The following ACTR3B variants were observed in gnomAD, a reference collection of about 807,000 sequenced individuals.
ACTR3B encodes the protein actin-related protein 3B.
Under a neutral mutation model 59.0 loss-of-function variants are expected in ACTR3B, and 8 were observed. The ratio of observed to expected loss-of-function variants is 0.14; its 90% CI spans 0.08 to 0.24. The LOEUF (loss-of-function observed/expected upper bound fraction) is 0.24. Ranked by LOEUF, ACTR3B falls within the 10% of genes least tolerant of loss-of-function variation. ACTR3B has a pLI of 1.00. For missense variants in ACTR3B, 245 were observed against 552.3 expected (o/e 0.44, Z 5.58); for synonymous variants, 148 against 197.9 (o/e 0.75, Z 2.12).
At chr7:152,762,424 C>T (rs2098092422) in intron 1 of ACTR3B, among the ~76,000 whole-genome samples, 1 of 152,212 alleles carries the variant, frequency 6.6e-6, no homozygotes, top group Non-Finnish European at 1.5e-5. Context: ...GTATACTCTT[C>T]TTCCAGTTTT....
intron 2 of ACTR3B, among the ~76,000 whole-genome samples, chr7:152,788,824 C>T (rs1329008686): frequency 2.6e-5 from 4 of 152,082 alleles, no homozygotes; most frequent in African/African-American, 9.7e-5. Flanking sequence ...GAGTTAGAGA[C>T]CAGCCCAGCC....
intron 7 of ACTR3B, among the ~76,000 whole-genome samples, chr7:152,822,924 A>C (rs1443032808): frequency 1.3e-5 from 2 of 152,208 alleles, no homozygotes. Context: ...GGGTGTAGAC[A>C]GTGCCGCACT....
At position 152,825,092 on chromosome 7, in the gene ACTR3B, C is replaced by T. The variant is rs906399982; in HGVS notation, c.921C>T (p.Cys307=). The T allele has an allele frequency of 8.7e-6, 14 of 1,613,680 alleles. No homozygotes were observed. The highest frequency in any genetic ancestry group is 1.1e-5 in the Non-Finnish European group (13 of 1,179,786). The part of the protein sequence containing the change: ...SDVVDEVIQN[C]PIDVRRPLYK... ...TTGTTGATGAAGTAATACAGAACTGCCCCATCGATGTGCGGCGCCCGCTGT... is the reference window on the plus strand; with the variant it reads ...TTGTTGATGAAGTAATACAGAACTGTCCCATCGATGTGCGGCGCCCGCTGT... The change falls in exon 9 of 12, where the codon TGC becomes TGT. Residue 307 remains cysteine (C), a synonymous_variant. Coordinates refer to ENST00000256001, the MANE Select transcript of ACTR3B (RefSeq NM_020445.6).
chr7:152,852,149 C>T lies in ACTR3B; in HGVS notation c.975C>T (p.Ser325=), dbSNP rs769937667. The T allele has an allele frequency of 1.1e-4, 181 of 1,613,974 alleles. No homozygotes were observed. Among genetic ancestry groups the T allele is most frequent in the Non-Finnish European group, 1.5e-4 (174 of 1,180,010 alleles). Residue 325 remains serine (S), a synonymous_variant, in exon 10 of 12, where the codon TCC becomes TCT. Coordinates refer to ENST00000256001, the MANE Select transcript of ACTR3B (RefSeq NM_020445.6). ...AGAATGTCGTACTCTCAGGAGGCTC[C>T]ACCATGTTCAGGGATTTCGGACGCC... The part of the protein sequence containing the change: ...LYKNVVLSGG[S]TMFRDFGRRL...
At chr7:152,809,454 C>T (rs369028630) in intron 4 of ACTR3B, among the ~76,000 whole-genome samples, 3 of 152,160 alleles carry the variant, frequency 2.0e-5, no homozygotes, top group Admixed American at 6.5e-5. Context: ...CGCCCTTACC[C>T]GTTCTTAGCC....
At chr7:152,814,802 C>G (rs34547316) in intron 5 of ACTR3B, among the ~76,000 whole-genome samples, 157 bp downstream of exon 5, 3 of 152,122 alleles carry the variant, frequency 2.0e-5, no homozygotes, top group Non-Finnish European at 4.4e-5. Flanking sequence ...CTATAGGGAA[C>G]GTGTCCCATG....
chr7:152,820,391 G>A lies in ACTR3B; in HGVS notation c.633G>A (p.Arg211=). ...TCATTCAACAGCTGCTAAGGGAGAG[G>A]GAGGTGGGAATCCCTCCTGAGCAGT... ...TYFIQQLLRE[R]EVGIPPEQSL... Residue 211 remains arginine, a synonymous_variant, in exon 7 of 12, where the codon AGG becomes AGA. Coordinates refer to ENST00000256001, the MANE Select transcript of ACTR3B (RefSeq NM_020445.6). 3 of 1,606,504 alleles carry A rather than the reference G, an allele frequency of 1.9e-6. No individual in the cohort carries two copies. Among genetic ancestry groups the A allele is most frequent in the South Asian group, 2.2e-5 (2 of 90,314 alleles).
At chr7:152,809,401 T>G (rs1342824951) in intron 4 of ACTR3B, among the ~76,000 whole-genome samples, 1 of 152,138 alleles carries the variant, frequency 6.6e-6, no homozygotes, top group Non-Finnish European at 1.5e-5. Context: ...GGAAGATTTC[T>G]AGGGAGCGTG....
chr7:152,824,562 A>G lies in ACTR3B; in HGVS notation c.859-468A>G, dbSNP rs1220557236. ...GTTTCATGTTAAACAAACCCTTCTC[A>G]TTAAACAAAACACTTCCCTGCATCT... On this transcript the variant is annotated intron_variant, in intron 8 of 11. Transcript: ENST00000256001. The surrounding 1 kb of genome is among the most constrained non-coding windows in gnomAD (Gnocchi z 4.2). Among the ~76,000 whole-genome samples the G allele has an allele frequency of 1.3e-5, 2 of 152,230 alleles. No individual in the cohort carries two copies. The highest frequency in any genetic ancestry group is 1.9e-4 in the East Asian group (1 of 5,202).
chr7:152,783,399 A>G (rs957714145), intron 2 of ACTR3B, among the ~76,000 whole-genome samples, 157 bp downstream of exon 2: 4 of 152,230 alleles, frequency 2.6e-5, no homozygotes, highest in African/African-American at 4.8e-5. Context: ...CTTCTGTTCC[A>G]TTCTGATAAA....
intron 1 of ACTR3B, among the ~76,000 whole-genome samples, chr7:152,773,926 C>G (rs1402876104): frequency 4.6e-4 from 70 of 152,148 alleles, no homozygotes; most frequent in Admixed American, 4.6e-3. Context: ...CCTCCTATTC[C>G]AGTCCCACAG....
chr7:152,777,179 A>G (rs1460567980), intron 1 of ACTR3B, among the ~76,000 whole-genome samples: 4 of 152,142 alleles, frequency 2.6e-5, no homozygotes, highest in African/African-American at 9.7e-5. Flanking sequence ...TCACCTGTGT[A>G]TAATTTACCA....
At chr7:152,761,202 C>A (rs1046426476) in intron 1 of ACTR3B, among the ~76,000 whole-genome samples, 1 of 152,128 alleles carries the variant, frequency 6.6e-6, no homozygotes, top group Admixed American at 6.5e-5. Context: ...GCTTTTCTAC[C>A]TAAAACACAA....
At chr7:152,803,345 G>C (rs1034047367) in intron 4 of ACTR3B, among the ~76,000 whole-genome samples, 9 of 152,182 alleles carry the variant, frequency 5.9e-5, no homozygotes, top group African/African-American at 1.9e-4. Flanking sequence ...ACCATACCCG[G>C]CCCACAGTTG....
At chr7:152,802,740 C>T (rs1175679362) in intron 4 of ACTR3B, among the ~76,000 whole-genome samples, 1 of 151,986 alleles carries the variant, frequency 6.6e-6, no homozygotes, top group Admixed American at 6.5e-5. Flanking sequence ...CATGCAAGTA[C>T]GTTGTCAAAT....
intron 1 of ACTR3B, among the ~76,000 whole-genome samples, chr7:152,779,757 G>T (rs973286530): frequency 6.6e-6 from 1 of 152,102 alleles, no homozygotes; most frequent in African/African-American, 2.4e-5. Context: ...CATCTACTGA[G>T]TTATATTTAA....
intron 2 of ACTR3B, among the ~76,000 whole-genome samples, chr7:152,791,804 A>G (rs1460461485): frequency 2.0e-5 from 3 of 152,216 alleles, no homozygotes; most frequent in African/African-American, 7.2e-5. Flanking sequence ...TCATCTCCAT[A>G]ATATATGTTC....
chr7:152,789,678 A>T (rs930268143), intron 2 of ACTR3B, among the ~76,000 whole-genome samples: 2 of 151,854 alleles, frequency 1.3e-5, no homozygotes, highest in South Asian at 2.1e-4. Flanking sequence ...TCCAATTCTA[A>T]CACTTCGTGT....
At chr7:152,804,898 A>G (rs2098247785) in intron 4 of ACTR3B, among the ~76,000 whole-genome samples, 1 of 152,064 alleles carries the variant, frequency 6.6e-6, no homozygotes, top group Admixed American at 6.6e-5. Flanking sequence ...AGAACAATCA[A>G]ACTCCCAGAG....
Sources: allele counts gnomAD v4.1 joint callset (sites outside exome capture counted in the v4.1 genomes callset), GRCh38; gene constraint gnomAD v4.1.1; non-coding constraint Gnocchi (gnomAD v3.1); transcripts MANE v1.5; gene names NCBI Gene and HGNC (gene_info 2026-07-23, HGNC 2026-07-21).